Variants in ASH1L observed in about 807,000 individuals in gnomAD.
The protein encoded by ASH1L is histone-lysine N-methyltransferase ASH1L.
A neutral mutation model predicts 269.0 loss-of-function variants in ASH1L; 23 were observed. That is an observed-to-expected ratio of 0.09 (90% CI 0.06 to 0.12). The LOEUF (loss-of-function observed/expected upper bound fraction) is 0.12, where lower values mean the gene tolerates loss of function less well. Ranked by LOEUF, ASH1L falls within the 10% of genes least tolerant of loss-of-function variation. The pLI is 1.00. For missense variants in ASH1L, 2,912 were observed against 3,567.8 expected, an observed-to-expected ratio of 0.82 and a Z score of 4.68; for synonymous variants, 1,187 against 1,253.5, an observed-to-expected ratio of 0.95 and a Z score of 1.12.
intron 3 of ASH1L, among the ~76,000 whole-genome samples, chr1:155,464,053 G>T (rs190102159): frequency 6.6e-6 from 1 of 152,244 alleles, no homozygotes; most frequent in Admixed American, 6.5e-5. Context: ...ACCAGAAGAC[G>T]TCTGGCTTTC....
chr1:155,501,362 T>C (rs551776149), intron 2 of ASH1L, among the ~76,000 whole-genome samples: 7 of 152,238 alleles, frequency 4.6e-5, no homozygotes, highest in African/African-American at 1.7e-4. Flanking sequence ...AAACTAAGAT[T>C]ACTTTCAGAT....
chr1:155,509,689 C>G (rs1344488048), intron 2 of ASH1L, among the ~76,000 whole-genome samples: 2 of 152,136 alleles, frequency 1.3e-5, no homozygotes, highest in Non-Finnish European at 2.9e-5. Context: ...ATCCCAGCTA[C>G]TCAGGAGGCT....
intron 4 of ASH1L, among the ~76,000 whole-genome samples, chr1:155,451,198 A>C (rs1469592052): frequency 5.9e-5 from 4 of 68,086 alleles, no homozygotes; most frequent in Non-Finnish European, 9.8e-5. Flanking sequence ...ACTCCACCTC[A>C]AAAAAAAAAA....
At chr1:155,381,816 G>C (rs1014143282) in intron 7 of ASH1L, among the ~76,000 whole-genome samples, 1 of 151,966 alleles carries the variant, frequency 6.6e-6, no homozygotes, top group Non-Finnish European at 1.5e-5. Flanking sequence ...CAGAGGTAGA[G>C]GTGGAGGTTG....
chr1:155,524,589 T>C (rs1669112034), intron 1 of ASH1L, among the ~76,000 whole-genome samples: 1 of 151,602 alleles, frequency 6.6e-6, no homozygotes. Context: ...TCCCAGCACT[T>C]TGGGAGACTA....
chr1:155,458,401 C>T (rs1048809604), intron 4 of ASH1L, among the ~76,000 whole-genome samples: 4 of 152,170 alleles, frequency 2.6e-5, no homozygotes, highest in Non-Finnish European at 5.9e-5. Flanking sequence ...TTCTCTACTA[C>T]GTTTCCAGCC....
chr1:155,520,663 G>A (rs1668822285), intron 2 of ASH1L, among the ~76,000 whole-genome samples: 1 of 151,882 alleles, frequency 6.6e-6, no homozygotes, highest in African/African-American at 2.4e-5. Context: ...AGGAGTTTGA[G>A]ACCAGCCTGG....
intron 5 of ASH1L, among the ~76,000 whole-genome samples, chr1:155,434,859 A>AG (rs2148607885): frequency 6.6e-6 from 1 of 152,170 alleles, no homozygotes; most frequent in East Asian, 1.9e-4. Context: ...TCAAAAAAAA[A>AG]GAAAAAAAGA....
intron 7 of ASH1L, among the ~76,000 whole-genome samples, chr1:155,385,009 T>G (rs1321121305): frequency 1.3e-5 from 2 of 152,112 alleles, no homozygotes; most frequent in African/African-American, 4.8e-5. Flanking sequence ...TATCTTCTAG[T>G]GCATAGATTA....
In ASH1L at chr1:155,552,559, C is replaced by T. The variant is rs137886903; in HGVS notation, c.-100+9594G>A. On this transcript the variant is annotated intron_variant, in intron 1 of 27. Coordinates refer to ENST00000392403, the MANE Select transcript of ASH1L (RefSeq NM_018489.3). ...TACTCAGGAGACTGAAACAGGAGAACGGCGTGAACCCGGGAGGCAGAGCTT... is the reference window on the plus strand; with the variant it reads ...TACTCAGGAGACTGAAACAGGAGAATGGCGTGAACCCGGGAGGCAGAGCTT... 7.9e-3 allele frequency among the ~76,000 whole-genome samples: 1,188 copies of T among 150,830 alleles called. 8 individuals are homozygous for T. The highest frequency in any genetic ancestry group is 0.026 in the South Asian group (126 of 4,764).
At chr1:155,516,577 G>C (rs957307438) in intron 2 of ASH1L, among the ~76,000 whole-genome samples, 2 of 152,026 alleles carry the variant, frequency 1.3e-5, no homozygotes, top group Non-Finnish European at 2.9e-5. Flanking sequence ...GAGAATCATT[G>C]AGGTCAGAAG....
At chr1:155,494,269 A>ATTT (rs1667005022) in intron 2 of ASH1L, among the ~76,000 whole-genome samples, 1 of 152,254 alleles carries the variant, frequency 6.6e-6, no homozygotes, top group Non-Finnish European at 1.5e-5. Context: ...GTCTGTTTAA[A>ATTT]GAACAATAAA....
rs1050164644 is a variant in ASH1L at position 155,446,301 on chromosome 1, T to A, written c.5087-7233A>T. 1.9e-3 allele frequency among the ~76,000 whole-genome samples: 239 copies of A among 124,926 alleles called. 1 individual carries two copies. Among genetic ancestry groups the A allele is most frequent in the African/African-American group, 6.0e-3 (202 of 33,394 alleles). 82.0% of individuals were successfully genotyped at this position (124,926 alleles called of 152,430 possible). On this transcript the variant is annotated intron_variant, in intron 4 of 27. Coordinates refer to ENST00000392403, the MANE Select transcript of ASH1L (RefSeq NM_018489.3). Reference sequence around the variant, plus strand: ...TTTATATTTCAATTAATTAATTAAATTTTTTTTTTTTTTTTTTGAGACAAG... The same window carrying A: ...TTTATATTTCAATTAATTAATTAAAATTTTTTTTTTTTTTTTTGAGACAAG...
At chr1:155,510,282 T>C (rs1206094967) in intron 2 of ASH1L, among the ~76,000 whole-genome samples, 2 of 151,508 alleles carry the variant, frequency 1.3e-5, no homozygotes, top group African/African-American at 2.4e-5. Context: ...GGCGTGGTGG[T>C]GCACACCTGT....
Position 155,343,192 on chromosome 1 carries a change from G to A in ASH1L, c.8293+122C>T, listed in dbSNP as rs1002040507. The A allele has an allele frequency of 3.9e-5, 43 of 1,089,152 alleles. No homozygotes were observed. Among genetic ancestry groups the A allele is most frequent in the Non-Finnish European group, 5.5e-5 (42 of 760,216 alleles). 67.5% of individuals were successfully genotyped at this position (1,089,152 alleles called of 1,614,324 possible). On this transcript the variant is annotated intron_variant, in intron 24 of 27. Transcript: ENST00000392403. This position sits in a 1 kb window ranked among gnomAD's most constrained non-coding sequence, Gnocchi z 6.1. ...GGCAGAGTTTTGCCACGTTGGCCAGGCTGGTCTCACACTCCTGGGCTTAAG... is the reference window on the plus strand; with the variant it reads ...GGCAGAGTTTTGCCACGTTGGCCAGACTGGTCTCACACTCCTGGGCTTAAG...
chr1:155,551,337 A>C (rs1187757578), intron 1 of ASH1L, among the ~76,000 whole-genome samples: 3 of 152,142 alleles, frequency 2.0e-5, no homozygotes, highest in Non-Finnish European at 4.4e-5. Flanking sequence ...ATCATATACC[A>C]GGAATTTCTT....
At chr1:155,442,522 G>T (rs1198090184) in intron 4 of ASH1L, among the ~76,000 whole-genome samples, 2 of 147,200 alleles carry the variant, frequency 1.4e-5, no homozygotes, top group African/African-American at 5.0e-5. Flanking sequence ...GGCAGAGGTT[G>T]CAGTGAGCCG....
chr1:155,404,010 C>T (rs961499514), intron 6 of ASH1L, among the ~76,000 whole-genome samples: 2 of 148,890 alleles, frequency 1.3e-5, no homozygotes, highest in Non-Finnish European at 3.0e-5. Context: ...GAGCCAAGAA[C>T]GCACCATTGC....
intron 1 of ASH1L, among the ~76,000 whole-genome samples, chr1:155,530,644 G>A (rs1450481746): frequency 6.6e-6 from 1 of 152,062 alleles, no homozygotes; most frequent in Non-Finnish European, 1.5e-5. Context: ...GTTGAGGCAG[G>A]AGAACTGTTT....
Sources: allele counts gnomAD v4.1 joint callset (sites outside exome capture counted in the v4.1 genomes callset), GRCh38; gene constraint gnomAD v4.1.1; non-coding constraint Gnocchi (gnomAD v3.1); transcripts MANE v1.5; gene names NCBI Gene and HGNC (gene_info 2026-07-23, HGNC 2026-07-21).